The following SUGCT variants were observed in gnomAD, a reference collection of about 807,000 sequenced individuals.
SUGCT encodes the protein succinyl-CoA:glutarate CoA-transferase.
SUGCT carries 41 observed loss-of-function variants against 55.0 expected under a neutral mutation model. The ratio of observed to expected loss-of-function variants is 0.74; its 90% CI spans 0.58 to 0.97. The LOEUF is 0.97. SUGCT is among the 50% of genes least tolerant of loss of function. The pLI is 0.00. For synonymous variants in SUGCT, 187 were observed against 200.4 expected (o/e 0.93, Z 0.56); for missense variants, 568 against 547.8 (o/e 1.04, Z -0.37).
chr7:40,375,315 A>G (rs1432771619), intron 9 of SUGCT, among the ~76,000 whole-genome samples: 1 of 152,216 alleles, frequency 6.6e-6, no homozygotes, highest in Non-Finnish European at 1.5e-5. Flanking sequence ...TTGTGTATGT[A>G]GAAGATTATT....
chr7:40,766,542 T>C (rs1788801403), intron 13 of SUGCT, among the ~76,000 whole-genome samples: 1 of 152,218 alleles, frequency 6.6e-6, no homozygotes, highest in South Asian at 2.1e-4. Context: ...CAAATCTAAA[T>C]TCCTGCAAAT....
the SUGCT span, among the ~76,000 whole-genome samples, chr7:41,021,085 A>G: frequency 6.6e-6 from 1 of 152,236 alleles, no homozygotes; most frequent in Non-Finnish European, 1.5e-5. Context: ...GCCTTGACCA[A>G]CATGGCAAAG....
chr7:40,457,912 G>C (rs1789577283), intron 10 of SUGCT, among the ~76,000 whole-genome samples: 1 of 152,138 alleles, frequency 6.6e-6, no homozygotes, highest in Non-Finnish European at 1.5e-5. Context: ...TGCTAGACAG[G>C]GCTTGAGGCC....
At chr7:40,174,212 G>T (rs1047519367) in intron 1 of SUGCT, among the ~76,000 whole-genome samples, 3 of 151,938 alleles carry the variant, frequency 2.0e-5, no homozygotes, top group African/African-American at 7.3e-5. Flanking sequence ...TAATAGAGAC[G>T]GGGTTTTGCC....
At chr7:40,136,789 T>TTGAAA (rs1434081935) in intron 1 of SUGCT, among the ~76,000 whole-genome samples, 1 of 151,932 alleles carries the variant, frequency 6.6e-6, no homozygotes, top group African/African-American at 2.4e-5. Flanking sequence ...AGCCCAGGAG[T>TTGAAA]TGAAGACCAG....
At chr7:40,275,027 C>G (rs142907921) in intron 8 of SUGCT, among the ~76,000 whole-genome samples, 2,519 of 152,204 alleles carry the variant, frequency 0.017, 59 homozygotes, top group African/African-American at 0.058. Flanking sequence ...TCTCGAACTC[C>G]CGACCTCAGG....
chr7:40,475,830 TC>T (rs1790634870), intron 11 of SUGCT, among the ~76,000 whole-genome samples: 1 of 152,060 alleles, frequency 6.6e-6, no homozygotes, highest in Non-Finnish European at 1.5e-5. Flanking sequence ...CAGTTTCCTT[TC>T]CCATGTTCAG....
At chr7:40,148,420 G>A (rs746430423) in intron 1 of SUGCT, among the ~76,000 whole-genome samples, 6 of 152,068 alleles carry the variant, frequency 3.9e-5, no homozygotes, top group Non-Finnish European at 8.8e-5. Context: ...TGAGGTGGGC[G>A]GATCACCTGA....
chr7:40,757,787 G>T (rs1416590689), intron 13 of SUGCT, among the ~76,000 whole-genome samples: 2 of 152,102 alleles, frequency 1.3e-5, no homozygotes, highest in Admixed American at 1.3e-4. Context: ...CTAAATGATG[G>T]TATACCGTTT....
At chr7:40,795,795 A>G (rs1224140723) in intron 13 of SUGCT, among the ~76,000 whole-genome samples, 1 of 152,170 alleles carries the variant, frequency 6.6e-6, no homozygotes, top group African/African-American at 2.4e-5. Flanking sequence ...TCTTCCCCCT[A>G]TTACGGAAAA....
intron 8 of SUGCT, among the ~76,000 whole-genome samples, chr7:40,304,268 T>G (rs1444004476): frequency 6.6e-6 from 1 of 152,008 alleles, no homozygotes; most frequent in Admixed American, 6.5e-5. Flanking sequence ...AAGAAATCTG[T>G]AGAAGTTAGA....
At chr7:40,888,658 C>G in the SUGCT span, among the ~76,000 whole-genome samples, 1 of 152,148 alleles carries the variant, frequency 6.6e-6, no homozygotes, top group Non-Finnish European at 1.5e-5. Context: ...GTGTGGTAAA[C>G]TGGAACACCC....
At chr7:41,006,956 G>A in the SUGCT span, among the ~76,000 whole-genome samples, 1 of 152,182 alleles carries the variant, frequency 6.6e-6, no homozygotes, top group Admixed American at 6.5e-5. Flanking sequence ...ATTATCCACT[G>A]AAGTGATGGG....
the SUGCT span, among the ~76,000 whole-genome samples, chr7:40,954,415 C>T: frequency 2.0e-5 from 3 of 152,202 alleles, no homozygotes; most frequent in African/African-American, 7.2e-5. Context: ...GAGGCGATGC[C>T]TTGCCTTGCT....
intron 12 of SUGCT, among the ~76,000 whole-genome samples, chr7:40,644,921 C>T (rs1031548538): frequency 6.6e-6 from 1 of 152,200 alleles, no homozygotes; most frequent in African/African-American, 2.4e-5. Context: ...CACCTTCCCT[C>T]AACCGCACTG....
At chr7:40,195,116 T>G in intron 6 of SUGCT, 56 bp downstream of exon 6, 1 of 1,519,316 alleles carries the variant, frequency 6.6e-7, no homozygotes, top group Non-Finnish European at 8.8e-7. Context: ...CTGTGTTTTC[T>G]TATTGCTATA....
chr7:40,993,044 T>C, the SUGCT span, among the ~76,000 whole-genome samples: 3 of 152,240 alleles, frequency 2.0e-5, no homozygotes, highest in South Asian at 6.2e-4. Flanking sequence ...GATATGTGCA[T>C]AAATCACCTG....
At chr7:40,162,437 G>T (rs376178515) in intron 1 of SUGCT, among the ~76,000 whole-genome samples, 89 of 152,206 alleles carry the variant, frequency 5.8e-4, no homozygotes, top group Middle Eastern at 3.4e-3. Context: ...TGAAGATCTG[G>T]AAATTGATTT....
At chr7:40,906,819 T>C in the SUGCT span, among the ~76,000 whole-genome samples, 1 of 152,098 alleles carries the variant, frequency 6.6e-6, no homozygotes, top group Admixed American at 6.6e-5. Context: ...AGAGGAGAAG[T>C]AGAATAAGCA....
Sources: gnomAD v4.1 joint callset for allele counts (sites outside exome capture counted in the v4.1 genomes callset) on GRCh38, gnomAD v4.1.1 for gene constraint, MANE v1.5 for transcripts, NCBI Gene and HGNC (gene_info 2026-07-23, HGNC 2026-07-21) for gene names.